Variants in CNTN4 observed in about 807,000 individuals in gnomAD.
CNTN4 encodes the protein contactin 4.
Under a neutral mutation model 122.5 loss-of-function variants are expected in CNTN4, and 77 were observed. The observed-to-expected ratio is 0.63, with a 90% CI of 0.52 to 0.76. The LOEUF (loss-of-function observed/expected upper bound fraction) is 0.76. CNTN4 is among the 30% of genes least tolerant of loss of function. The probability of loss-of-function intolerance (pLI) is 0.00; values close to 1 mark genes in which losing one functional copy is unlikely to be tolerated. For missense variants in CNTN4, 1,256 were observed against 1,259.1 expected (o/e 1.00, Z 0.04); for synonymous variants, 512 against 447.0 (o/e 1.15, Z -1.83).
chr3:2,388,061 T>C (rs1347363523), intron 3 of CNTN4, among the ~76,000 whole-genome samples: 4 of 152,294 alleles, frequency 2.6e-5, no homozygotes, highest in Non-Finnish European at 4.4e-5. Flanking sequence ...AAATTTAGCT[T>C]AGTAGAGCTA....
chr3:2,672,612 C>T (rs894340731), intron 4 of CNTN4, among the ~76,000 whole-genome samples: 3 of 152,280 alleles, frequency 2.0e-5, no homozygotes, highest in Non-Finnish European at 4.4e-5. Context: ...GTGCGCTGCA[C>T]GTACTGTCTG....
chr3:2,120,374 AATATATATAT>A lies in CNTN4; in HGVS notation c.-145+19758_-145+19767del, dbSNP rs1185851358. Among the ~76,000 whole-genome samples the A allele has an allele frequency of 6.1e-3, 358 of 59,068 alleles. 11 individuals are homozygous for A. The highest frequency in any genetic ancestry group is 0.025 in the African/African-American group (345 of 13,882). The allele number at this position is 59,068 out of a possible 152,430, so 38.8% of individuals were successfully genotyped here. A position where few individuals can be genotyped will look rare whatever the true frequency, so the allele number is the denominator to read the frequency against. On this transcript the variant is annotated intron_variant, in intron 2 of 24. Transcript: ENST00000418658. ...GGTTATATATATATATATATATATA[AATATATATAT>A]ATATATATATATATATATATATTTT...
chr3:2,357,479 G>A (rs2044921483), intron 3 of CNTN4, among the ~76,000 whole-genome samples: 1 of 152,038 alleles, frequency 6.6e-6, no homozygotes, highest in South Asian at 2.1e-4. Context: ...ATTCACTATC[G>A]CTGTCTAGTT....
At chr3:2,860,649 A>T (rs1405686481) in intron 7 of CNTN4, among the ~76,000 whole-genome samples, 3 of 152,178 alleles carry the variant, frequency 2.0e-5, no homozygotes, top group Non-Finnish European at 4.4e-5. Context: ...CTCATCTAAG[A>T]CACTGCCCCT....
rs916689739 is a variant in CNTN4 at position 2,917,087 on chromosome 3, G to T, written c.1208-8542G>T. Among the ~76,000 whole-genome samples, 36 of 128,172 alleles carry T rather than the reference G, an allele frequency of 2.8e-4. 1 individual carries two copies. The highest frequency in any genetic ancestry group is 5.3e-4 in the South Asian group (2 of 3,756). The allele number at this position is 128,172 out of a possible 152,430, so 84.1% of individuals were successfully genotyped here. ...GGCCGAGGCTGGCGGATCACTCGCG[G>T]TTAGGAGCTGGAGACCAGCCCGGCC... is the stretch of plus-strand genomic sequence containing the variant. On this transcript the variant is annotated intron_variant, in intron 12 of 24. Coordinates refer to ENST00000418658, the MANE Select transcript of CNTN4 (RefSeq NM_175607.3).
chr3:2,275,136 A>T (rs2041452638), intron 2 of CNTN4, among the ~76,000 whole-genome samples: 1 of 152,206 alleles, frequency 6.6e-6, no homozygotes, highest in African/African-American at 2.4e-5. Context: ...TTGCCTGTTT[A>T]TCAGAGTCTG....
At chr3:2,629,400 C>A in intron 4 of CNTN4, 1 of 340,640 alleles carries the variant, frequency 2.9e-6, no homozygotes, top group East Asian at 8.2e-5. Flanking sequence ...ACTAATGCAG[C>A]ATCTAATTTT....
intron 14 of CNTN4, among the ~76,000 whole-genome samples, chr3:2,992,370 C>A (rs910221928): frequency 1.6e-4 from 25 of 152,148 alleles, no homozygotes; most frequent in African/African-American, 5.6e-4. Flanking sequence ...GTTCTTAAGT[C>A]AAACCCTCAA....
intron 13 of CNTN4, among the ~76,000 whole-genome samples, chr3:2,949,360 C>G (rs573044269): frequency 8.1e-4 from 123 of 152,264 alleles, no homozygotes; most frequent in Non-Finnish European, 1.4e-3. Context: ...AGAAAGAATA[C>G]AGATATTATG....
Position 2,710,270 on chromosome 3 carries a change from T to C in CNTN4, c.56-25945T>C, listed in dbSNP as rs115986197. ...AATGGCACCCATCCTGTATAGGATG[T>C]GTGTAAAGCACTTCACAGGTTGCCT... On this transcript the variant is annotated intron_variant, in intron 4 of 24. Coordinates refer to ENST00000418658, the MANE Select transcript of CNTN4 (RefSeq NM_175607.3). Among the ~76,000 whole-genome samples, 823 of 152,284 alleles carry C rather than the reference T, an allele frequency of 5.4e-3. 3 individuals carry two copies. Among genetic ancestry groups the C allele is most frequent in the African/African-American group, 0.019 (795 of 41,560 alleles).
chr3:2,782,981 A>C (rs572442063), intron 6 of CNTN4, among the ~76,000 whole-genome samples: 2 of 152,250 alleles, frequency 1.3e-5, no homozygotes, highest in East Asian at 3.9e-4. Context: ...CAGTTCCCTA[A>C]CTTTAGAGGT....
chr3:2,963,136 T>C (rs1301790219), intron 13 of CNTN4, among the ~76,000 whole-genome samples: 4 of 152,164 alleles, frequency 2.6e-5, no homozygotes, highest in African/African-American at 9.7e-5. Context: ...ACCTAGTAAT[T>C]AATTTTCTCA....
At position 2,215,610 on chromosome 3, in the gene CNTN4, C is replaced by T. The variant is rs543512126; in HGVS notation, c.-145+114971C>T. Among the ~76,000 whole-genome samples the T allele has an allele frequency of 7.9e-5, 12 of 152,166 alleles. No homozygotes were observed. In the East Asian group the frequency reaches 2.3e-3, roughly 29 times the overall value. On this transcript the variant is annotated intron_variant, in intron 2 of 24. Coordinates refer to ENST00000418658, the MANE Select transcript of CNTN4 (RefSeq NM_175607.3). ...GTTAAGAGTTCCCTTAGGCTGGGCGCAGTGGTTCACGCCTGTAATCCCAGC... is the reference window on the plus strand; with the variant it reads ...GTTAAGAGTTCCCTTAGGCTGGGCGTAGTGGTTCACGCCTGTAATCCCAGC...
intron 3 of CNTN4, among the ~76,000 whole-genome samples, chr3:2,344,085 C>T (rs952602524): frequency 6.6e-6 from 1 of 152,160 alleles, no homozygotes; most frequent in Non-Finnish European, 1.5e-5. Flanking sequence ...GTCTTCCCCC[C>T]ATGGCCCAAA....
At chr3:2,410,059 C>G (rs2047175944) in intron 3 of CNTN4, among the ~76,000 whole-genome samples, 1 of 152,166 alleles carries the variant, frequency 6.6e-6, no homozygotes, top group African/African-American at 2.4e-5. Flanking sequence ...TATGCAGTTT[C>G]ATTTACCGAT....
intron 6 of CNTN4, among the ~76,000 whole-genome samples, chr3:2,756,509 C>G (rs1023616180): frequency 6.6e-6 from 1 of 152,178 alleles, no homozygotes; most frequent in African/African-American, 2.4e-5. Flanking sequence ...GTTTCCCAGT[C>G]TATTGTGTTA....
chr3:2,403,823 A>T (rs1340492802), intron 3 of CNTN4, among the ~76,000 whole-genome samples: 2 of 152,194 alleles, frequency 1.3e-5, no homozygotes, highest in African/African-American at 4.8e-5. Flanking sequence ...AGTAATTAAT[A>T]CAGCCTGAAT....
intron 3 of CNTN4, among the ~76,000 whole-genome samples, chr3:2,341,825 G>T (rs2044222565): frequency 1.3e-5 from 2 of 152,172 alleles, no homozygotes. Flanking sequence ...TCTCCTAAAA[G>T]AAATCATAAT....
intron 11 of CNTN4, among the ~76,000 whole-genome samples, chr3:2,902,344 A>G (rs1339840804): frequency 1.3e-5 from 2 of 152,102 alleles, no homozygotes; most frequent in African/African-American, 4.8e-5. Flanking sequence ...CACCACTGAC[A>G]GCAATAAACT....
Sources: gnomAD v4.1 joint callset for allele counts (sites outside exome capture counted in the v4.1 genomes callset) on GRCh38, gnomAD v4.1.1 for gene constraint, MANE v1.5 for transcripts, NCBI Gene and HGNC (gene_info 2026-07-23, HGNC 2026-07-21) for gene names.